Variants in WDR27 observed in about 807,000 individuals in gnomAD.
WDR27 encodes the protein WD repeat domain 27.
Under a neutral mutation model 114.4 loss-of-function variants are expected in WDR27, and 100 were observed. That is an observed-to-expected ratio of 0.87 (90% CI 0.74 to 1.03). The LOEUF is 1.03. Ranked by LOEUF, WDR27 falls within the 50% of genes least tolerant of loss-of-function variation. WDR27 has a pLI of 0.00. For synonymous variants in WDR27, 449 were observed against 423.1 expected, an observed-to-expected ratio of 1.06 and a Z score of -0.75; for missense variants, 1,129 against 1,092.9, an observed-to-expected ratio of 1.03 and a Z score of -0.47.
chr6:169,443,639 T>A, the WDR27 span, among the ~76,000 whole-genome samples: 1 of 152,172 alleles, frequency 6.6e-6, no homozygotes, highest in African/African-American at 2.4e-5. Flanking sequence ...GGGACCTGGA[T>A]GACACACATA....
intron 25 of WDR27, among the ~76,000 whole-genome samples, chr6:169,555,657 C>G (rs1023163510): frequency 7.9e-5 from 12 of 152,116 alleles, no homozygotes; most frequent in African/African-American, 2.4e-4. Context: ...AGTGAGCCTT[C>G]ACTTTTGTAA....
intron 2 of WDR27, among the ~76,000 whole-genome samples, chr6:169,673,690 T>G (rs1207541227): frequency 6.6e-6 from 1 of 152,082 alleles, no homozygotes; most frequent in African/African-American, 2.4e-5. Context: ...AAAAATGGTG[T>G]AATTAAATGA....
chr6:169,654,275 T>G (rs185384349), intron 13 of WDR27, among the ~76,000 whole-genome samples: 1 of 152,136 alleles, frequency 6.6e-6, no homozygotes, highest in Admixed American at 6.5e-5. Flanking sequence ...CACCAAGCAT[T>G]CAGGTATAGA....
chr6:169,438,382 C>A, the WDR27 span, among the ~76,000 whole-genome samples: 1 of 151,932 alleles, frequency 6.6e-6, no homozygotes, highest in Non-Finnish European at 1.5e-5. Context: ...GGACTACAGG[C>A]ACCCACCACC....
rs567715926 is a variant in WDR27, at chr6:169,605,876, A to C, written c.2322-3555T>G. Among the ~76,000 whole-genome samples the C allele has an allele frequency of 2.0e-5, 3 of 152,320 alleles. No homozygotes were observed. In the South Asian group the frequency reaches 6.2e-4, roughly 32 times the overall value. On this transcript the variant is annotated intron_variant, in intron 22 of 25. Coordinates refer to ENST00000448612, the MANE Select transcript of WDR27 (RefSeq NM_182552.5). The stretch of plus-strand genomic sequence containing the variant: ...TGGGGAAAGGACACCCTTTGTAATA[A>C]ATAGTGCTTGAAAAATTGGATAGCT...
the WDR27 span, among the ~76,000 whole-genome samples, chr6:169,450,020 C>A: frequency 6.6e-6 from 1 of 152,166 alleles, no homozygotes; most frequent in Admixed American, 6.5e-5. Context: ...TAATTTATTA[C>A]CTTTCTTCCA....
At chr6:169,487,616 C>T (rs989861255) in intron 25 of WDR27, among the ~76,000 whole-genome samples, 1 of 152,096 alleles carries the variant, frequency 6.6e-6, no homozygotes, top group Non-Finnish European at 1.5e-5. Context: ...AATAAAAATC[C>T]AAAACTTTCC....
chr6:169,516,896 C>T (rs373963999), intron 25 of WDR27, among the ~76,000 whole-genome samples: 5 of 150,858 alleles, frequency 3.3e-5, no homozygotes, highest in African/African-American at 1.2e-4. Context: ...AAACATCTGT[C>T]CTGAGTGAAT....
the WDR27 span, among the ~76,000 whole-genome samples, chr6:169,444,350 G>A: frequency 6.6e-6 from 1 of 152,204 alleles, no homozygotes; most frequent in Non-Finnish European, 1.5e-5. Context: ...ACTGTGCAGT[G>A]TGTTTGTCCC....
At chr6:169,473,913 C>T (rs1254890948) in intron 25 of WDR27, among the ~76,000 whole-genome samples, 2 of 152,248 alleles carry the variant, frequency 1.3e-5, no homozygotes, top group African/African-American at 4.8e-5. Context: ...CCTTTGGCCT[C>T]TGCTTCTCTG....
chr6:169,428,751 C>A, the WDR27 span, among the ~76,000 whole-genome samples: 6 of 152,208 alleles, frequency 3.9e-5, no homozygotes, highest in African/African-American at 1.4e-4. Context: ...GGGCAGGTGG[C>A]TGGCGTCAGG....
intron 23 of WDR27, among the ~76,000 whole-genome samples, chr6:169,594,607 C>T (rs1309719430): frequency 6.6e-6 from 1 of 152,152 alleles, no homozygotes; most frequent in Non-Finnish European, 1.5e-5. Flanking sequence ...AAATTAGATA[C>T]TAACATATAC....
intron 24 of WDR27, among the ~76,000 whole-genome samples, chr6:169,575,419 TCCATCCAC>T (rs71927975): frequency 0.083 from 3,449 of 41,552 alleles, 117 homozygotes; most frequent in East Asian, 0.32. Flanking sequence ...CATCCATCCA[TCCATCCAC>T]CCACCATCAC....
intron 25 of WDR27, among the ~76,000 whole-genome samples, chr6:169,538,269 A>C (rs2128088864): frequency 6.6e-6 from 1 of 152,294 alleles, no homozygotes; most frequent in Non-Finnish European, 1.5e-5. Flanking sequence ...ATTCTCTGTA[A>C]CATCTCCAGA....
At chr6:169,537,894 A>T (rs1796375959) in intron 25 of WDR27, among the ~76,000 whole-genome samples, 1 of 152,174 alleles carries the variant, frequency 6.6e-6, no homozygotes, top group Admixed American at 6.6e-5. Context: ...GAGTGTGAAA[A>T]TCATATCTCA....
At chr6:169,587,398 T>A (rs1333298562) in intron 23 of WDR27, among the ~76,000 whole-genome samples, 7 of 152,044 alleles carry the variant, frequency 4.6e-5, no homozygotes, top group African/African-American at 1.7e-4. Context: ...TTTGTATTTT[T>A]AATAGAGACG....
intron 25 of WDR27, among the ~76,000 whole-genome samples, chr6:169,469,561 C>T (rs370557229): frequency 6.6e-6 from 1 of 152,230 alleles, no homozygotes; most frequent in Admixed American, 6.5e-5. Context: ...GCCAGACAAG[C>T]TGTACCCTGT....
rs368313074 is a variant in WDR27 at position 169,647,875 on chromosome 6, G to C, written c.1560-5C>G. On this transcript the variant is annotated splice_region_variant and splice_polypyrimidine_tract_variant and intron_variant, in intron 15 of 25. Coordinates refer to ENST00000448612, the MANE Select transcript of WDR27 (RefSeq NM_182552.5). The stretch of plus-strand genomic sequence containing the variant: ...CACTCCACGGGGTATGCCTCCCTGA[G>C]GGAAGGCCACAGGTAACGGTGATCG... 1.0e-3 allele frequency: 1,576 copies of C among 1,548,150 alleles called. 1 individual carries two copies. Among genetic ancestry groups the C allele is most frequent in the Non-Finnish European group, 1.3e-3 (1,473 of 1,149,302 alleles).
chr6:169,674,130 A>C (rs1489612531), intron 2 of WDR27, among the ~76,000 whole-genome samples: 1 of 152,242 alleles, frequency 6.6e-6, no homozygotes, highest in African/African-American at 2.4e-5. Flanking sequence ...AGAGTATCAA[A>C]TCAGCTATAC....
Sources: gnomAD v4.1 joint callset for allele counts (sites outside exome capture counted in the v4.1 genomes callset) on GRCh38, gnomAD v4.1.1 for gene constraint, MANE v1.5 for transcripts, NCBI Gene and HGNC (gene_info 2026-07-23, HGNC 2026-07-21) for gene names.